The following EEFSEC variants were observed in gnomAD, a reference collection of about 807,000 sequenced individuals.
EEFSEC encodes eukaryotic elongation factor, selenocysteine-tRNA specific.
A neutral mutation model predicts 42.1 loss-of-function variants in EEFSEC; 43 were observed. The ratio of observed to expected loss-of-function variants is 1.02; its 90% CI spans 0.80 to 1.32. The LOEUF (loss-of-function observed/expected upper bound fraction) is 1.32. Among genes scored for constraint, EEFSEC ranks in the 40% most tolerant of loss-of-function variants. The pLI, the probability that EEFSEC is intolerant of heterozygous loss-of-function variation, is 0.00. For synonymous variants in EEFSEC, 354 were observed against 339.1 expected (o/e 1.04, Z -0.48); for missense variants, 745 against 803.6 (o/e 0.93, Z 0.88).
chr3:128,405,643 C>T (rs1039459749), intron 6 of EEFSEC, among the ~76,000 whole-genome samples: 2 of 152,270 alleles, frequency 1.3e-5, no homozygotes, highest in African/African-American at 2.4e-5. Context: ...CAGGGCCCTC[C>T]GGACTGAAGC....
intron 1 of EEFSEC, among the ~76,000 whole-genome samples, chr3:128,168,131 T>G (rs1484312120): frequency 2.0e-5 from 3 of 152,166 alleles, no homozygotes; most frequent in African/African-American, 7.2e-5. Context: ...ACTTTTAAAC[T>G]TGCCCCAGAG....
At chr3:128,380,597 T>C (rs1317831715) in intron 6 of EEFSEC, among the ~76,000 whole-genome samples, 1 of 152,230 alleles carries the variant, frequency 6.6e-6, no homozygotes, top group Non-Finnish European at 1.5e-5. Context: ...TCGTACGTGC[T>C]TTACGTTTTA....
intron 4 of EEFSEC, among the ~76,000 whole-genome samples, chr3:128,326,041 G>T (rs1221266657): frequency 6.6e-6 from 1 of 152,216 alleles, no homozygotes; most frequent in Admixed American, 6.5e-5. Flanking sequence ...ATTCCAGAAA[G>T]GCTGGACCAG....
At chr3:128,257,324 C>T (rs573511443) in intron 2 of EEFSEC, among the ~76,000 whole-genome samples, 10 of 152,332 alleles carry the variant, frequency 6.6e-5, no homozygotes, top group African/African-American at 1.9e-4. Flanking sequence ...ATTTGAACAG[C>T]AGTTTCTTTC....
chr3:128,182,882 G>GT lies in EEFSEC; in HGVS notation c.316+29059_316+29060insT, dbSNP rs2065424475. Among the ~76,000 whole-genome samples the GT allele has an allele frequency of 1.8e-5, 2 of 110,814 alleles. 1 individual carries two copies. The allele number at this position is 110,814 out of a possible 152,430, so 72.7% of individuals were successfully genotyped here. On this transcript the variant is annotated intron_variant, in intron 1 of 6. Transcript: ENST00000254730. ...CTTCCCACCAGCCACAGAGATCGGG[G>GT]CGGGGGGGTGGGGTGGTTGGTCTAG...
intron 2 of EEFSEC, among the ~76,000 whole-genome samples, chr3:128,260,233 G>T (rs147129360): frequency 0.011 from 1,704 of 152,098 alleles, 23 homozygotes; most frequent in African/African-American, 0.039. Context: ...TCTTATTATG[G>T]ATTCCTTGTA....
chr3:128,193,453 CCTGA>C (rs1020949502), intron 1 of EEFSEC, among the ~76,000 whole-genome samples: 14 of 152,222 alleles, frequency 9.2e-5, no homozygotes, highest in African/African-American at 3.4e-4. Flanking sequence ...CTGCCTGTAG[CCTGA>C]CTATTGGCAA....
chr3:128,417,662 T>G, the EEFSEC span, among the ~76,000 whole-genome samples: 89 of 152,236 alleles, frequency 5.8e-4, 1 homozygote, highest in East Asian at 0.016. The surrounding 1 kb of genome is among the most constrained non-coding windows in gnomAD (Gnocchi z 4.3). Flanking sequence ...AGCACATGCC[T>G]GGCGCTCCAC....
intron 4 of EEFSEC, among the ~76,000 whole-genome samples, chr3:128,318,258 A>G (rs2066969812): frequency 6.6e-6 from 1 of 152,248 alleles, no homozygotes; most frequent in Non-Finnish European, 1.5e-5. Context: ...ACTAGTGGCA[A>G]GTGCTGTCCT....
chr3:128,279,383 T>C (rs2066501781), intron 4 of EEFSEC, among the ~76,000 whole-genome samples: 1 of 152,228 alleles, frequency 6.6e-6, no homozygotes, highest in Non-Finnish European at 1.5e-5. Flanking sequence ...TAGATGCCAA[T>C]AGCACCCTCT....
intron 1 of EEFSEC, among the ~76,000 whole-genome samples, chr3:128,185,533 C>A (rs979178211): frequency 6.6e-6 from 1 of 151,630 alleles, no homozygotes; most frequent in African/African-American, 2.4e-5. Flanking sequence ...TACTTTATGA[C>A]CTTTCGTGTC....
chr3:128,352,966 A>T (rs1735549), intron 5 of EEFSEC, among the ~76,000 whole-genome samples: 45,521 of 151,990 alleles, frequency 0.3, 7,218 homozygotes, highest in East Asian at 0.46. Context: ...CTCTTATTCT[A>T]TTGTCTCCAG....
rs140732869 is a variant in EEFSEC, at chr3:128,367,215, G to A, written c.1600+8842G>A. 3.4e-3 allele frequency among the ~76,000 whole-genome samples: 524 copies of A among 152,362 alleles called. 1 individual carries two copies. The highest frequency in any genetic ancestry group is 0.011 in the African/African-American group (473 of 41,574). ...TCCCATTCTAAAGTCTGGGGGTTAG[G>A]ATTCCAGTATATGAATTTGAAGGGA... On this transcript the variant is annotated intron_variant, in intron 6 of 6. Coordinates refer to ENST00000254730, the MANE Select transcript of EEFSEC (RefSeq NM_021937.5).
intron 4 of EEFSEC, among the ~76,000 whole-genome samples, chr3:128,338,054 G>A (rs6798749): frequency 0.14 from 20,853 of 152,228 alleles, 1,623 homozygotes; most frequent in African/African-American, 0.21. Context: ...AAATACACAA[G>A]GTGCAGCAGA....
chr3:128,254,192 G>A (rs568364758), intron 2 of EEFSEC, among the ~76,000 whole-genome samples: 2 of 152,322 alleles, frequency 1.3e-5, no homozygotes, highest in East Asian at 1.9e-4. Flanking sequence ...GTAGCAAGGG[G>A]ATTCTGAGGA....
At chr3:128,374,650 A>G (rs780159382) in intron 6 of EEFSEC, among the ~76,000 whole-genome samples, 1 of 152,100 alleles carries the variant, frequency 6.6e-6, no homozygotes, top group Non-Finnish European at 1.5e-5. Context: ...CTCCATGTTT[A>G]TGATTCAGTG....
intron 1 of EEFSEC, among the ~76,000 whole-genome samples, chr3:128,189,430 C>G (rs949359642): frequency 6.6e-6 from 1 of 152,186 alleles, no homozygotes; most frequent in Non-Finnish European, 1.5e-5. Context: ...TGTAACCAAA[C>G]CTACTGTGCT....
chr3:128,229,972 T>A, intron 1 of EEFSEC, among the ~76,000 whole-genome samples: 1 of 152,142 alleles, frequency 6.6e-6, no homozygotes, highest in Admixed American at 6.5e-5. Flanking sequence ...CCTTTTCCTT[T>A]CCTTTTCCTT....
chr3:128,264,569 A>T, intron 3 of EEFSEC, 48 bp from the exon 4 acceptor site: 2 of 1,597,124 alleles, frequency 1.3e-6, no homozygotes, highest in Non-Finnish European at 1.7e-6. Flanking sequence ...GCCCTGCCCC[A>T]TCTGGCTCCT....
Sources: allele counts gnomAD v4.1 joint callset (sites outside exome capture counted in the v4.1 genomes callset), GRCh38; gene constraint gnomAD v4.1.1; non-coding constraint Gnocchi (gnomAD v3.1); transcripts MANE v1.5; gene names NCBI Gene and HGNC (gene_info 2026-07-23, HGNC 2026-07-21).